TMPRSS9: variants seen among roughly 807,000 people sequenced by gnomAD.
TMPRSS9 encodes the protein transmembrane serine protease 9.
A neutral mutation model predicts 111.4 loss-of-function variants in TMPRSS9; 113 were observed. That is an observed-to-expected ratio of 1.01 (90% CI 0.87 to 1.19). The LOEUF (loss-of-function observed/expected upper bound fraction) is 1.19, where lower values mean the gene tolerates loss of function less well. Among genes scored for constraint, TMPRSS9 ranks in the 50% most tolerant of loss-of-function variants. TMPRSS9 has a pLI of 0.00. For missense variants in TMPRSS9, 1,803 were observed against 1,513.1 expected (o/e 1.19, Z -3.18); for synonymous variants, 805 against 659.1 (o/e 1.22, Z -3.39).
At chr19:2,405,467 G>A (rs200805747) in exon 7 of TMPRSS9, 23 of 1,608,662 alleles carry the variant, frequency 1.4e-5, no homozygotes, top group Middle Eastern at 1.6e-4. Context: ...GCCAGCCTTC[G>A]AGAGAACAAG....
At chr19:2,374,978 C>T (rs1347725049) in intron 1 of TMPRSS9, among the ~76,000 whole-genome samples, 1 of 152,132 alleles carries the variant, frequency 6.6e-6, no homozygotes, top group Non-Finnish European at 1.5e-5. Flanking sequence ...GAAACAGGTC[C>T]CGTGGAGGAG....
At chr19:2,425,651 C>T (rs1333291788) in intron 17 of TMPRSS9, 158 bp downstream of exon 18, 1 of 1,348,590 alleles carries the variant, frequency 7.4e-7, no homozygotes, top group Non-Finnish European at 9.6e-7. Flanking sequence ...GGAATTTCCA[C>T]TCCACAGCCG....
chr19:2,368,206 TC>T (rs1438303158), intron 1 of TMPRSS9, among the ~76,000 whole-genome samples: 2 of 151,752 alleles, frequency 1.3e-5, no homozygotes, highest in Admixed American at 1.3e-4. Context: ...TTTTCCTGGC[TC>T]CCCTTTTCCA....
At chr19:2,360,850 G>C (rs905737752) in intron 1 of TMPRSS9, among the ~76,000 whole-genome samples, 3 of 150,932 alleles carry the variant, frequency 2.0e-5, no homozygotes, top group Non-Finnish European at 2.9e-5. Flanking sequence ...TGTAGATGTG[G>C]CTGAGATTTC....
chr19:2,361,806 T>C (rs1393431488), intron 1 of TMPRSS9, among the ~76,000 whole-genome samples: 1 of 152,192 alleles, frequency 6.6e-6, no homozygotes, highest in Non-Finnish European at 1.5e-5. Context: ...GCCAAAGGGT[T>C]CAGGCACTGC....
In TMPRSS9 at chr19:2,380,439, TA is replaced by T. The variant is rs546963899; in HGVS notation, c.-25-9310del. Among the ~76,000 whole-genome samples the T allele has an allele frequency of 2.4e-3, 335 of 141,362 alleles. 2 individuals carry two copies. Among genetic ancestry groups the T allele is most frequent in the African/African-American group, 6.0e-3 (230 of 38,520 alleles). The allele number at this position is 141,362 out of a possible 152,430, so 92.7% of individuals were successfully genotyped here. A position where few individuals can be genotyped will look rare whatever the true frequency, so the allele number is the denominator to read the frequency against. ...GGCAAAACCCCGTCTCTACTAAAAA[TA>T]AAAAAAAAAAATTAGCCAGGCATGG... On this transcript the variant is annotated intron_variant, in intron 1 of 17. Coordinates refer to the TMPRSS9 transcript ENST00000649857.
chr19:2,393,598 G>T (rs1599288720), intron 1 of TMPRSS9, among the ~76,000 whole-genome samples: 1 of 152,010 alleles, frequency 6.6e-6, no homozygotes, highest in South Asian at 2.1e-4. Flanking sequence ...CTCTACAAAA[G>T]AATGCAAACA....
At chr19:2,376,976 C>G (rs1970340248) in intron 1 of TMPRSS9, among the ~76,000 whole-genome samples, 1 of 151,998 alleles carries the variant, frequency 6.6e-6, no homozygotes, top group African/African-American at 2.4e-5. Flanking sequence ...CAGCGCGTGT[C>G]TGGCCCAGTG....
intron 9 of TMPRSS9, among the ~76,000 whole-genome samples, chr19:2,411,656 G>A (rs12609621): frequency 0.093 from 14,080 of 151,962 alleles, 930 homozygotes; most frequent in East Asian, 0.26. Flanking sequence ...GTTTCAAGTG[G>A]TTCTCATGCC....
At chr19:2,382,328 C>T (rs564254918) in intron 1 of TMPRSS9, among the ~76,000 whole-genome samples, 12 of 151,950 alleles carry the variant, frequency 7.9e-5, no homozygotes, top group African/African-American at 2.4e-4. Flanking sequence ...GATGGGGTTT[C>T]GCCATGTTGG....
intron 1 of TMPRSS9, among the ~76,000 whole-genome samples, chr19:2,395,801 A>T (rs559467965): frequency 9.9e-5 from 15 of 152,140 alleles, no homozygotes; most frequent in Admixed American, 3.9e-4. Context: ...AGGTCAGGAG[A>T]TAGAGACCAT....
chr19:2,391,386 TTTTAAA>T (rs1970590758), intron 1 of TMPRSS9, among the ~76,000 whole-genome samples: 2 of 151,140 alleles, frequency 1.3e-5, no homozygotes, highest in East Asian at 1.9e-4. Context: ...TTTTTCTTTT[TTTTAAA>T]AAATATTTGT....
At chr19:2,377,719 CTTTA>C (rs950045778) in intron 1 of TMPRSS9, among the ~76,000 whole-genome samples, 1 of 37,692 alleles carries the variant, frequency 2.7e-5, no homozygotes, top group Non-Finnish European at 4.0e-5. Context: ...CTCTCTCTCT[CTTTA>C]TTTTTTTCTG....
In TMPRSS9 at chr19:2,424,088, G is replaced by A; in HGVS notation, c.2549-1G>A. The A allele has an allele frequency of 7.7e-7, 1 of 1,290,342 alleles. No homozygotes were observed. Among genetic ancestry groups the A allele is most frequent in the Non-Finnish European group, 9.8e-7 (1 of 1,016,402 alleles). 79.9% of individuals were successfully genotyped at this position (1,290,342 alleles called of 1,614,324 possible). ...TGCCCACGCGCCTGGCTCCCCCGCA[G>A]ACTGTGGCCTGGCGCCGGCCGCGCT... On this transcript the variant is annotated splice_acceptor_variant, in intron 14 of 17. Transcript: ENST00000648592. LOFTEE classifies it high-confidence loss of function.
intron 1 of TMPRSS9, among the ~76,000 whole-genome samples, chr19:2,363,813 C>CGTGT (rs200272996): frequency 1.9e-4 from 22 of 112,858 alleles, no homozygotes; most frequent in African/African-American, 6.8e-4. Flanking sequence ...TGCGTGCGCG[C>CGTGT]GTGTGTGTGT....
chr19:2,371,045 A>G (rs1278526258), intron 1 of TMPRSS9, among the ~76,000 whole-genome samples: 3 of 152,126 alleles, frequency 2.0e-5, no homozygotes, highest in South Asian at 2.1e-4. Flanking sequence ...CCCAGGGCCA[A>G]TACCTACCTC....
At chr19:2,374,097 C>T (rs73919617) in intron 1 of TMPRSS9, among the ~76,000 whole-genome samples, 17,096 of 151,878 alleles carry the variant, frequency 0.11, 1,913 homozygotes, top group African/African-American at 0.29. Context: ...AACATTTTCC[C>T]GAGCTACAGA....
At chr19:2,411,907 G>C (rs186625318) in intron 9 of TMPRSS9, among the ~76,000 whole-genome samples, 2 of 152,104 alleles carry the variant, frequency 1.3e-5, no homozygotes, top group Admixed American at 6.6e-5. Context: ...TCAGCCACCT[G>C]GTCTTGTTTG....
intron 1 of TMPRSS9, among the ~76,000 whole-genome samples, chr19:2,368,836 GCA>G (rs1351231948): frequency 7.5e-6 from 1 of 133,070 alleles, no homozygotes; most frequent in African/African-American, 2.9e-5. Context: ...CCAGGCTGGA[GCA>G]CAGTGGCGCA....
Sources: allele counts gnomAD v4.1 joint callset (sites outside exome capture counted in the v4.1 genomes callset), GRCh38; gene constraint gnomAD v4.1.1; transcripts MANE v1.5; gene names NCBI Gene and HGNC (gene_info 2026-07-23, HGNC 2026-07-21).